Variants in CRHR2 observed in about 807,000 individuals in gnomAD.
CRHR2 encodes corticotropin releasing hormone receptor 2.
Under a neutral mutation model 57.9 loss-of-function variants are expected in CRHR2, and 53 were observed. The ratio of observed to expected loss-of-function variants is 0.92; its 90% CI spans 0.73 to 1.15. The LOEUF (loss-of-function observed/expected upper bound fraction) is 1.15, where lower values mean the gene tolerates loss of function less well. CRHR2 is among the 50% of genes most tolerant of loss of function. The pLI, the probability that CRHR2 is intolerant of heterozygous loss-of-function variation, is 0.00. For synonymous variants in CRHR2, 213 were observed against 220.9 expected (o/e 0.96, Z 0.32); for missense variants, 532 against 542.6 (o/e 0.98, Z 0.19).
intron 1 of CRHR2, among the ~76,000 whole-genome samples, chr7:30,696,188 T>C (rs965787098): frequency 6.6e-6 from 1 of 151,704 alleles, no homozygotes; most frequent in African/African-American, 2.4e-5. Flanking sequence ...CAAAAAAAAA[T>C]AGAATGAATA....
At chr7:30,690,583 T>A (rs559528823) in intron 1 of CRHR2, among the ~76,000 whole-genome samples, 2 of 152,234 alleles carry the variant, frequency 1.3e-5, no homozygotes, top group South Asian at 4.2e-4. Context: ...GCTGGGTCAA[T>A]GTTTGCCCCA....
intron 2 of CRHR2, among the ~76,000 whole-genome samples, chr7:30,688,069 G>A (rs766644127): frequency 1.3e-5 from 2 of 152,246 alleles, no homozygotes; most frequent in Non-Finnish European, 2.9e-5. Context: ...ATGTGGCCTT[G>A]TTTGGATTTA....
In CRHR2 at chr7:30,656,285, G is replaced by A. The variant is rs533453224; in HGVS notation, c.832-273C>T. Among the ~76,000 whole-genome samples the A allele has an allele frequency of 4.8e-4, 73 of 152,246 alleles. No individual in the cohort carries two copies. The highest frequency in any genetic ancestry group is 1.5e-3 in the African/African-American group (61 of 41,552). ...CTCTGTGGGTCGTGACCGAGAGCAC[G>A]GGGCATGCCCTCTGAGGCTGAGAAA... On this transcript the variant is annotated intron_variant, in intron 8 of 11. Transcript: ENST00000471646. This position sits in a 1 kb window ranked among gnomAD's most constrained non-coding sequence, Gnocchi z 4.4.
chr7:30,662,814 A>T lies in CRHR2; in HGVS notation c.577T>A (p.Tyr193Asn), dbSNP rs760977873. ...CAGAAGAAGTTGGTCACCACGAAGTAGTTGAAGATGGTGGTGATGCAGCGG... is the reference window on the plus strand; with the variant it reads ...CAGAAGAAGTTGGTCACCACGAAGTTGTTGAAGATGGTGGTGATGCAGCGG... ...WCRCITTIFNYFVVTNFFWMF... is the reference protein window; with the variant it reads ...WCRCITTIFNNFVVTNFFWMF... The change falls in exon 6 of 12, where the codon TAC becomes AAC. Residue 193 changes from tyrosine to asparagine, a missense_variant. Transcript: ENST00000471646. The T allele has an allele frequency of 1.2e-6, 2 of 1,614,230 alleles. No individual in the cohort carries two copies. The highest frequency in any genetic ancestry group is 1.7e-5 in the Admixed American group (1 of 60,032).
intron 8 of CRHR2, among the ~76,000 whole-genome samples, chr7:30,657,013 A>C (rs1478185982): frequency 6.6e-6 from 1 of 152,012 alleles, no homozygotes; most frequent in African/African-American, 2.4e-5. Context: ...TTCCTGACAA[A>C]GTGCTCGTGG....
intron 1 of CRHR2, among the ~76,000 whole-genome samples, chr7:30,689,945 A>G (rs1784927531): frequency 6.6e-6 from 1 of 152,226 alleles, no homozygotes; most frequent in Admixed American, 6.5e-5. Flanking sequence ...GGGACAAAAG[A>G]AGGGACCATA....
At position 30,662,691 on chromosome 7, in the gene CRHR2, C is replaced by G. The variant is rs747991985; in HGVS notation, c.697+3G>C. ...TAGGCCCTGCTGCCCCTGGGACCCTCACACCATCCGATGAAGAGGAAGAGG... is the reference window on the plus strand; with the variant it reads ...TAGGCCCTGCTGCCCCTGGGACCCTGACACCATCCGATGAAGAGGAAGAGG... On this transcript the variant is annotated splice_donor_region_variant and intron_variant, in intron 6 of 11. Coordinates refer to ENST00000471646, the MANE Select transcript of CRHR2 (RefSeq NM_001883.5). 3.1e-6 allele frequency: 5 copies of G among 1,613,242 alleles called. No homozygotes were observed. In the South Asian group the frequency reaches 4.4e-5, roughly 14 times the overall value.
chr7:30,685,319 C>T (rs563324225), upstream of CRHR2, among the ~76,000 whole-genome samples: 1 of 152,348 alleles, frequency 6.6e-6, no homozygotes, highest in South Asian at 2.1e-4. Flanking sequence ...CATGCACACA[C>T]ATTCTCTCTC....
intron 10 of CRHR2, 37 bp downstream of exon 10, chr7:30,655,543 G>A (rs746818425): frequency 3.8e-6 from 6 of 1,590,844 alleles, no homozygotes; most frequent in South Asian, 3.5e-5. Context: ...CCTCAGGAAA[G>A]CTCACTGTGG....
chr7:30,695,613 G>A (rs138775186), intron 1 of CRHR2, among the ~76,000 whole-genome samples: 5 of 152,286 alleles, frequency 3.3e-5, no homozygotes, highest in African/African-American at 4.8e-5. Context: ...AGGAGGTCCC[G>A]TAGCAGGCCA....
intron 1 of CRHR2, among the ~76,000 whole-genome samples, chr7:30,693,607 C>T (rs255107): frequency 0.53 from 80,510 of 152,154 alleles, 22,118 homozygotes; most frequent in Middle Eastern, 0.65. Flanking sequence ...TTATAGCACA[C>T]TATTGAACCC....
Position 30,653,603 on chromosome 7 carries a change from G to A in CRHR2, c.1096-3C>T. 9 of 1,607,998 alleles carry A rather than the reference G, an allele frequency of 5.6e-6. No homozygotes were observed. Among genetic ancestry groups the A allele is most frequent in the Non-Finnish European group, 6.8e-6 (8 of 1,178,708 alleles). ...CTCTTCCTCACGGCTGAGCGCACCT[G>A]TGGGGAAGGCAGAGGCTCAGCTGGC... On this transcript the variant is annotated splice_polypyrimidine_tract_variant and splice_region_variant and intron_variant, in intron 11 of 11. Coordinates refer to ENST00000471646, the MANE Select transcript of CRHR2 (RefSeq NM_001883.5). The surrounding 1 kb of genome is among the most constrained non-coding windows in gnomAD (Gnocchi z 5.0).
intron 2 of CRHR2, among the ~76,000 whole-genome samples, chr7:30,673,708 C>G (rs1256249819): frequency 1.3e-5 from 2 of 152,198 alleles, no homozygotes; most frequent in Non-Finnish European, 2.9e-5. Flanking sequence ...AAACGAGGTG[C>G]ATCTCCTTGA....
chr7:30,660,661 G>A lies in CRHR2; in HGVS notation c.759-16C>T, dbSNP rs755799239. ...AAACCAGCACCTGTGAAGATGGGGT[G>A]GCTGTAGGGGGCCTCCTGAGCTGGA... On this transcript the variant is annotated splice_polypyrimidine_tract_variant and intron_variant, in intron 7 of 11. Transcript: ENST00000471646. 5.8e-6 allele frequency: 9 copies of A among 1,556,666 alleles called. No homozygotes were observed. Among genetic ancestry groups the A allele is most frequent in the Admixed American group, 1.9e-5 (1 of 51,716 alleles).
chr7:30,682,227 C>T lies in CRHR2; in HGVS notation c.54G>A (p.Leu18=). ...SLLEANCSLA[L]AEELLLDGWG... The stretch of plus-strand genomic sequence containing the variant: ...AGCCGTCCAAGAGCAGCTCTTCAGC[C>T]AGCGCCAGGCTGCAGTTGGCCTCCA... Residue 18 remains leucine (L), a synonymous_variant, in exon 1 of 12, where the codon CTG becomes CTA. Transcript: ENST00000471646. The T allele has an allele frequency of 1.3e-6, 2 of 1,590,498 alleles. No homozygotes were observed. The highest frequency in any genetic ancestry group is 2.3e-5 in the South Asian group (2 of 88,732).
At chr7:30,686,519 G>A (rs563816909), upstream of CRHR2, 87 of 1,505,760 alleles carry the variant, frequency 5.8e-5, 1 homozygote, top group South Asian at 3.4e-4. Flanking sequence ...GAATCCATTC[G>A]GATTCTTGGC....
chr7:30,654,518 C>T (rs1449355743), intron 11 of CRHR2, among the ~76,000 whole-genome samples: 4 of 152,208 alleles, frequency 2.6e-5, no homozygotes, highest in South Asian at 2.1e-4. Context: ...AGCCCAGGTA[C>T]GAGTGCGCTT....
chr7:30,682,917 A>C (rs1784774795), upstream of CRHR2, among the ~76,000 whole-genome samples: 1 of 152,232 alleles, frequency 6.6e-6, no homozygotes, highest in Non-Finnish European at 1.5e-5. Flanking sequence ...AAAAGCCTCC[A>C]TAGCCTCTGG....
Position 30,665,654 on chromosome 7 carries a change from A to G in CRHR2, c.316-15T>C, listed in dbSNP as rs919786119. The G allele has an allele frequency of 4.5e-6, 7 of 1,551,624 alleles. No homozygotes were observed. Among genetic ancestry groups the G allele is most frequent in the African/African-American group, 2.7e-5 (2 of 73,060 alleles). On this transcript the variant is annotated splice_polypyrimidine_tract_variant and intron_variant, in intron 3 of 11. Transcript: ENST00000471646. This position sits in a 1 kb window ranked among gnomAD's most constrained non-coding sequence, Gnocchi z 4.5. ...TACTTCCTCTGCTGGACAGACAGACATGGGCAGGGCAGATGGAGGCATGGG... is the reference window on the plus strand; with the variant it reads ...TACTTCCTCTGCTGGACAGACAGACGTGGGCAGGGCAGATGGAGGCATGGG...
Sources: allele counts gnomAD v4.1 joint callset (sites outside exome capture counted in the v4.1 genomes callset), GRCh38; gene constraint gnomAD v4.1.1; non-coding constraint Gnocchi (gnomAD v3.1); transcripts MANE v1.5; gene names NCBI Gene and HGNC (gene_info 2026-07-23, HGNC 2026-07-21).